Variants in RASSF5 observed in about 807,000 individuals in gnomAD.
RASSF5 encodes Ras association domain family member 5.
A neutral mutation model predicts 40.5 loss-of-function variants in RASSF5; 25 were observed. The observed-to-expected ratio is 0.62, with a 90% CI of 0.45 to 0.86. RASSF5 has a LOEUF of 0.86. RASSF5 is among the 40% of genes least tolerant of loss of function. The probability of loss-of-function intolerance (pLI) is 0.00; values close to 1 mark genes in which losing one functional copy is unlikely to be tolerated. For synonymous variants in RASSF5, 246 were observed against 252.4 expected, an observed-to-expected ratio of 0.97 and a Z score of 0.24; for missense variants, 521 against 572.8, an observed-to-expected ratio of 0.91 and a Z score of 0.92.
intron 2 of RASSF5, chr1:206,572,755 T>G (rs544737936): frequency 1.1e-4 from 17 of 152,338 alleles, no homozygotes; most frequent in Middle Eastern, 3.4e-3. Context: ...TGTTTTAATA[T>G]AGGATATTGA....
rs933991594 is a variant in RASSF5, at chr1:206,507,877, G to C, written c.275G>C (p.Arg92Pro). The change falls in exon 1 of 6, where the codon CGG (arginine) becomes CCG (proline). Residue 92 changes from arginine (R) to proline (P), a missense_variant. This residue lies in a region of RASSF5 where 237 missense variants were observed against 212.0 expected (regional missense o/e 1.12). Transcript: ENST00000579436. ...CGGCCTGGTCTGCAGCAGAGACTGC[G>C]GCGGCGGCCTGGAGCGCCCCGACCC... Reference protein sequence around the residue: ...PLRPGLQQRLRRRPGAPRPRD... With the variant: ...PLRPGLQQRLPRRPGAPRPRD... 12 of 1,494,206 alleles carry C rather than the reference G, an allele frequency of 8.0e-6. No individual in the cohort carries two copies. The highest frequency in any genetic ancestry group is 4.3e-5 in the African/African-American group (3 of 69,262). 92.6% of individuals were successfully genotyped at this position (1,494,206 alleles called of 1,614,324 possible).
chr1:206,581,772 G>A (rs534589241), intron 2 of RASSF5, among the ~76,000 whole-genome samples: 7 of 152,104 alleles, frequency 4.6e-5, no homozygotes, highest in South Asian at 2.1e-4. Context: ...ACATTGCATC[G>A]GTTCTGTGGG....
At chr1:206,509,254 A>G (rs1666551491) in intron 1 of RASSF5, among the ~76,000 whole-genome samples, 1 of 152,216 alleles carries the variant, frequency 6.6e-6, no homozygotes, top group South Asian at 2.1e-4. Context: ...TTCTGCCTGC[A>G]GTCTGCAGCG....
chr1:206,588,939 T>C lies in RASSF5; in HGVS notation c.*1961T>C, dbSNP rs543389600. ...TCCCTCTATGGGGATGGCTATTTTATTTTTGAGAAGGAAAAAAAAAGTCAT... is the reference window on the plus strand; with the variant it reads ...TCCCTCTATGGGGATGGCTATTTTACTTTTGAGAAGGAAAAAAAAAGTCAT... On this transcript the variant is annotated 3_prime_UTR_variant, in exon 6 of 6. Transcript: ENST00000579436. 1.9e-4 allele frequency: 29 copies of C among 152,838 alleles called. No individual in the cohort carries two copies. The highest frequency in any genetic ancestry group is 7.8e-4 in the Admixed American group (12 of 15,290). The allele number at this position is 152,838 out of a possible 1,614,324, so 9.5% of individuals were successfully genotyped here.
intron 2 of RASSF5, among the ~76,000 whole-genome samples, chr1:206,562,222 C>T (rs1160852403): frequency 6.6e-6 from 1 of 152,200 alleles, no homozygotes; most frequent in Non-Finnish European, 1.5e-5. Flanking sequence ...TAGCCAACCC[C>T]ACAGCCCTGG....
intron 2 of RASSF5, among the ~76,000 whole-genome samples, chr1:206,556,086 A>C (rs1029051899): frequency 1.3e-5 from 2 of 152,240 alleles, no homozygotes; most frequent in African/African-American, 4.8e-5. Flanking sequence ...ATCAGACTCC[A>C]TGAACATGGT....
chr1:206,564,909 G>A (rs1307740592), intron 2 of RASSF5, among the ~76,000 whole-genome samples: 1 of 152,092 alleles, frequency 6.6e-6, no homozygotes, highest in Non-Finnish European at 1.5e-5. Flanking sequence ...TGAGCCTGTG[G>A]CTTCTGTTCA....
At chr1:206,583,518 G>T (rs1161289124) in intron 3 of RASSF5, 139 bp downstream of exon 3, 2 of 648,906 alleles carry the variant, frequency 3.1e-6, no homozygotes, top group Non-Finnish European at 5.6e-6. Flanking sequence ...GGCCTCCGGG[G>T]TCTGGAAGGC....
intron 2 of RASSF5, among the ~76,000 whole-genome samples, chr1:206,549,109 A>G (rs782328628): frequency 2.7e-4 from 31 of 113,844 alleles, no homozygotes; most frequent in Admixed American, 8.4e-4. Context: ...CAGGTGATCC[A>G]CCCACCTTGG....
chr1:206,559,228 G>T (rs1047719317), intron 2 of RASSF5, among the ~76,000 whole-genome samples: 1 of 152,166 alleles, frequency 6.6e-6, no homozygotes, highest in African/African-American at 2.4e-5. Context: ...GAAGGAAATG[G>T]TTCCTGTTTT....
chr1:206,542,221 A>G (rs1236903671), intron 2 of RASSF5: 1 of 152,094 alleles, frequency 6.6e-6, no homozygotes, highest in Admixed American at 6.5e-5. Flanking sequence ...GTGGCCTCCA[A>G]TGTTGGAGGT....
At chr1:206,586,404 G>C (rs1309846686) in intron 5 of RASSF5, 1 of 167,874 alleles carries the variant, frequency 6.0e-6, no homozygotes, top group African/African-American at 2.4e-5. Flanking sequence ...GTGGAAAGCT[G>C]TGCTCGAGGT....
intron 2 of RASSF5, among the ~76,000 whole-genome samples, chr1:206,566,017 G>A (rs189582151): frequency 6.6e-6 from 1 of 152,218 alleles, no homozygotes; most frequent in African/African-American, 2.4e-5. Flanking sequence ...TACCATCTTA[G>A]ACTAAGTTAA....
At chr1:206,511,552 T>G (rs1666611350) in intron 1 of RASSF5, among the ~76,000 whole-genome samples, 1 of 152,236 alleles carries the variant, frequency 6.6e-6, no homozygotes. Context: ...GCCACCTGTC[T>G]GCTCCTGGAG....
intron 1 of RASSF5, among the ~76,000 whole-genome samples, chr1:206,527,446 C>T (rs1461468997): frequency 6.6e-6 from 1 of 152,114 alleles, no homozygotes; most frequent in Non-Finnish European, 1.5e-5. Context: ...GTCCTGAGAG[C>T]TCAGGACAGG....
At chr1:206,581,469 C>G (rs1188397483) in intron 2 of RASSF5, among the ~76,000 whole-genome samples, 1 of 151,922 alleles carries the variant, frequency 6.6e-6, no homozygotes, top group Non-Finnish European at 1.5e-5. Context: ...TGTGGTGGTG[C>G]GCACCTGTAA....
intron 1 of RASSF5, among the ~76,000 whole-genome samples, chr1:206,509,774 G>A (rs1002501985): frequency 2.6e-5 from 4 of 151,322 alleles, no homozygotes; most frequent in Non-Finnish European, 4.4e-5. Context: ...GTGTATTTGC[G>A]TGTGCCTGTG....
rs61263066 is a variant in RASSF5, at chr1:206,526,269, A to AGTGTGTGTGTGTGTGTGTGTGTGTGTGT, written c.458-11879_458-11878insGTGTGTGTGTGTGTGTGTGTGTGTGTGT. ...TTTGCTTCCTGGCTTGCTTTCTGGCAGTGTGTGTGTGTGTGTGTGTGTGTT... is the reference window on the plus strand; with the variant it reads ...TTTGCTTCCTGGCTTGCTTTCTGGCAGTGTGTGTGTGTGTGTGTGTGTGTGTGTGTGTGTGTGTGTGTGTGTGTGTGTT... On this transcript the variant is annotated intron_variant, in intron 1 of 5. Transcript: ENST00000579436. Among the ~76,000 whole-genome samples, 276 of 143,114 alleles carry AGTGTGTGTGTGTGTGTGTGTGTGTGTGT rather than the reference A, an allele frequency of 1.9e-3. 5 individuals carry two copies. The highest frequency in any genetic ancestry group is 5.5e-3 in the African/African-American group (206 of 37,380). 93.9% of individuals were successfully genotyped at this position (143,114 alleles called of 152,430 possible).
Position 206,585,287 on chromosome 1 carries a change from G to T in RASSF5, c.1096G>T (p.Glu366Ter). Residue 366 changes from glutamate (E) to a stop codon, truncating the protein, a stop_gained, in exon 5 of 6, where the codon GAG (glutamate) becomes TAG (stop). Transcript: ENST00000579436. LOFTEE classifies it high-confidence loss of function. ...SFVLKENETG[E>*]VEWDAFSIPE... ...TGTGCTAAAGGAGAATGAAACTGGA[G>T]AGGTAGAGGTAGGTCTGGACCCATT... The T allele has an allele frequency of 6.2e-7, 1 of 1,613,560 alleles. No homozygotes were observed. Among genetic ancestry groups the T allele is most frequent in the Non-Finnish European group, 8.5e-7 (1 of 1,179,460 alleles).
Sources: gnomAD v4.1 joint callset for allele counts (sites outside exome capture counted in the v4.1 genomes callset) on GRCh38, gnomAD v4.1.1 for gene constraint, gnomAD v4.1.1 regional missense constraint, MANE v1.5 for transcripts, NCBI Gene and HGNC (gene_info 2026-07-23, HGNC 2026-07-21) for gene names.